The following ZNF429 variants were observed in gnomAD, a reference collection of about 807,000 sequenced individuals.
ZNF429 encodes zinc finger protein 429.
ZNF429 carries 53 observed loss-of-function variants against 56.8 expected under a neutral mutation model. That is an observed-to-expected ratio of 0.93 (90% confidence interval 0.75 to 1.17). ZNF429 has a LOEUF of 1.17. ZNF429 is among the 50% of genes most tolerant of loss of function. The probability of loss-of-function intolerance (pLI) is 0.00; values close to 1 mark genes in which losing one functional copy is unlikely to be tolerated. For synonymous variants in ZNF429, 278 were observed against 264.7 expected, an observed-to-expected ratio of 1.05 and a Z score of -0.49; for missense variants, 849 against 788.4, an observed-to-expected ratio of 1.08 and a Z score of -0.92.
chr19:21,506,150 C>T (rs895607460), intron 1 of ZNF429: 2 of 162,094 alleles, frequency 1.2e-5, no homozygotes, highest in African/African-American at 4.8e-5. Context: ...TCCCAGTTCC[C>T]ATTCTCTCCT....
intron 1 of ZNF429, among the ~76,000 whole-genome samples, chr19:21,511,218 C>A (rs918079213): frequency 6.6e-6 from 1 of 151,632 alleles, no homozygotes; most frequent in African/African-American, 2.4e-5. Flanking sequence ...GCTGACCCCC[C>A]ACCTCCCTCC....
intron 1 of ZNF429, among the ~76,000 whole-genome samples, chr19:21,514,103 A>G (rs1291465466): frequency 6.6e-6 from 1 of 152,204 alleles, no homozygotes; most frequent in Non-Finnish European, 1.5e-5. Flanking sequence ...GAAATAAATC[A>G]GTACAGCCCC....
In ZNF429 at chr19:21,530,643, C is replaced by G. The variant is rs375122896; in HGVS notation, c.185C>G (p.Pro62Arg). 9.3e-6 allele frequency: 15 copies of G among 1,611,766 alleles called. No homozygotes were observed. The Admixed American group carries it at 1.5e-4, about 16-fold the overall frequency. The change falls in exon 3 of 4, where the codon CCC becomes CGC. Residue 62 changes from proline (P) to arginine (R), a missense_variant. Physicochemically the swap from Pro to Arg is moderately radical, Grantham distance 103 (BLOSUM62 -2). Coordinates refer to ENST00000358491, the MANE Select transcript of ZNF429 (RefSeq NM_001001415.4). ...ACTTGTCTAGAGAAAGAAAAAGAAC[C>G]CTGCAAGATGAAGCGACATGAAATG... ...LITCLEKEKE[P>R]CKMKRHEMVD...
chr19:21,532,821 C>T, intron 3 of ZNF429, among the ~76,000 whole-genome samples: 1 of 151,904 alleles, frequency 6.6e-6, no homozygotes, highest in Non-Finnish European at 1.5e-5. Flanking sequence ...ACCTCAGCCT[C>T]CCAAGTAGCT....
intron 1 of ZNF429, among the ~76,000 whole-genome samples, chr19:21,511,902 C>T (rs2032496936): frequency 6.6e-6 from 1 of 152,130 alleles, no homozygotes; most frequent in Non-Finnish European, 1.5e-5. Context: ...CAGCGAAACC[C>T]CGTCTCCACC....
intron 1 of ZNF429, among the ~76,000 whole-genome samples, chr19:21,508,420 ATC>A (rs933251282): frequency 4.5e-4 from 69 of 152,266 alleles, no homozygotes; most frequent in African/African-American, 1.6e-3. Flanking sequence ...GGGTAGGAGA[ATC>A]TCTCAAGTGA....
At chr19:21,527,535 T>C (rs1226052920) in intron 1 of ZNF429, among the ~76,000 whole-genome samples, 1 of 152,086 alleles carries the variant, frequency 6.6e-6, no homozygotes, top group African/African-American at 2.4e-5. Context: ...CTGTTCTGTT[T>C]GGGTTTGGTA....
chr19:21,509,999 C>T (rs1165946929), intron 1 of ZNF429, among the ~76,000 whole-genome samples: 2 of 151,874 alleles, frequency 1.3e-5, no homozygotes, highest in African/African-American at 2.4e-5. Context: ...ACCTCCACCT[C>T]CCGGGTTCAA....
At position 21,536,544 on chromosome 19, in the gene ZNF429, A is replaced by G. The variant is rs1301256343; in HGVS notation, c.491A>G (p.Lys164Arg). ...FYAFSNADRY[K>R]TRHTGKKPFQ... ...GCATTTTCAAATGCAGATAGATACA[A>G]GACAAGACATACTGGAAAGAAACCT... Residue 164 changes from lysine to arginine, a missense_variant, in exon 4 of 4, where the codon AAG (lysine) becomes AGG (arginine). Lys to Arg is a conservative substitution (Grantham distance 26). Transcript: ENST00000358491. The G allele has an allele frequency of 2.1e-5, 34 of 1,613,646 alleles. No individual in the cohort carries two copies. Among genetic ancestry groups the G allele is most frequent in the Non-Finnish European group, 2.9e-5 (34 of 1,179,826 alleles).
rs1196177073 is a variant in ZNF429 at position 21,539,611 on chromosome 19, A to G, written c.*1533A>G. Among the ~76,000 whole-genome samples the G allele has an allele frequency of 7.7e-6, 1 of 129,990 alleles. No homozygotes were observed. The highest frequency in any genetic ancestry group is 1.7e-5 in the Non-Finnish European group (1 of 60,044). 85.3% of individuals were successfully genotyped at this position (129,990 alleles called of 152,430 possible). ...TATTTTTTTTTTTTTTTGTATTTTT[A>G]GTAGAGATGAGATTTCACCATTTTG... On this transcript the variant is annotated 3_prime_UTR_variant, in exon 4 of 4. Coordinates refer to ENST00000358491, the MANE Select transcript of ZNF429 (RefSeq NM_001001415.4).
chr19:21,506,064 C>T (rs2032129403), intron 1 of ZNF429: 1 of 230,676 alleles, frequency 4.3e-6, no homozygotes. Flanking sequence ...GTGCAAGAAC[C>T]ATGGGAGGGG....
intron 3 of ZNF429, among the ~76,000 whole-genome samples, chr19:21,535,106 C>T: frequency 2.0e-5 from 3 of 150,712 alleles, no homozygotes; most frequent in East Asian, 3.9e-4. Flanking sequence ...GGATTACAGG[C>T]GTGAGCCACC....
intron 1 of ZNF429, chr19:21,521,815 CTG>C (rs1486899634): frequency 6.6e-6 from 1 of 152,194 alleles, no homozygotes; most frequent in Non-Finnish European, 1.5e-5. Flanking sequence ...TAACTAGAAA[CTG>C]AGGCTGAAAC....
chr19:21,516,566 G>A (rs1350634499), intron 1 of ZNF429, among the ~76,000 whole-genome samples: 6 of 151,956 alleles, frequency 3.9e-5, no homozygotes, highest in Admixed American at 1.3e-4. Context: ...ATTTTTTTCT[G>A]TCCTTGAGCA....
chr19:21,529,805 A>G, intron 2 of ZNF429, 21 bp downstream of exon 2: 4 of 1,434,034 alleles, frequency 2.8e-6, no homozygotes, highest in Non-Finnish European at 3.8e-6. Context: ...CTTCAATACA[A>G]CATTCCTAAT....
At chr19:21,524,612 A>G (rs1415858856) in intron 1 of ZNF429, among the ~76,000 whole-genome samples, 1 of 151,948 alleles carries the variant, frequency 6.6e-6, no homozygotes, top group Non-Finnish European at 1.5e-5. Context: ...CGGGTGATCC[A>G]GGTTCTGGAG....
chr19:21,517,588 T>C (rs2032805766), intron 1 of ZNF429, among the ~76,000 whole-genome samples: 1 of 151,792 alleles, frequency 6.6e-6, no homozygotes, highest in Non-Finnish European at 1.5e-5. Context: ...TGGTAGGCTA[T>C]TTACTAATTC....
intron 2 of ZNF429, 61 bp from the exon 3 acceptor site, chr19:21,530,528 T>G: frequency 2.5e-6 from 3 of 1,223,350 alleles, no homozygotes; most frequent in Non-Finnish European, 3.4e-6. Flanking sequence ...CTGAGCACAT[T>G]ACTAAATTGG....
chr19:21,533,196 C>T, intron 3 of ZNF429, among the ~76,000 whole-genome samples: 2 of 151,898 alleles, frequency 1.3e-5, no homozygotes, highest in African/African-American at 4.8e-5. Flanking sequence ...TCATGCATAT[C>T]TCTACAAATT....
Sources: allele counts gnomAD v4.1 joint callset (sites outside exome capture counted in the v4.1 genomes callset), GRCh38; gene constraint gnomAD v4.1.1; transcripts MANE v1.5; gene names NCBI Gene and HGNC (gene_info 2026-07-23, HGNC 2026-07-21).